Variants in CPA6 observed in about 807,000 individuals in gnomAD.
CPA6 encodes the protein carboxypeptidase A6.
A neutral mutation model predicts 63.3 loss-of-function variants in CPA6; 58 were observed. The ratio of observed to expected loss-of-function variants is 0.92; its 90% CI spans 0.74 to 1.14. The LOEUF is 1.14. Ranked by LOEUF, CPA6 falls within the 50% of genes most tolerant of loss-of-function variation. The pLI is 0.00. For missense variants in CPA6, 565 were observed against 526.6 expected (o/e 1.07, Z -0.71); for synonymous variants, 185 against 179.0 (o/e 1.03, Z -0.27).
At chr8:67,428,257 T>C in intron 9 of CPA6, 126 bp from the exon 10 acceptor site, 1 of 564,428 alleles carries the variant, frequency 1.8e-6, no homozygotes. Context: ...TATTCATTAA[T>C]AATATTATAT....
At chr8:67,729,201 A>G (rs545215675) in intron 1 of CPA6, among the ~76,000 whole-genome samples, 7 of 152,246 alleles carry the variant, frequency 4.6e-5, no homozygotes, top group African/African-American at 1.4e-4. Flanking sequence ...AAGATCCCCT[A>G]GTGTTTTATT....
At chr8:67,592,554 A>T (rs1324303484) in intron 2 of CPA6, among the ~76,000 whole-genome samples, 1 of 151,662 alleles carries the variant, frequency 6.6e-6, no homozygotes, top group Non-Finnish European at 1.5e-5. Flanking sequence ...GATTATTGCC[A>T]CAATTTCAGA....
At chr8:67,696,325 T>A (rs1483677242) in intron 1 of CPA6, among the ~76,000 whole-genome samples, 1 of 152,126 alleles carries the variant, frequency 6.6e-6, no homozygotes, top group Non-Finnish European at 1.5e-5. Flanking sequence ...ATTAGGGAAA[T>A]GCAAATTACA....
intron 1 of CPA6, among the ~76,000 whole-genome samples, chr8:67,744,642 G>A (rs1028170981): frequency 1.3e-5 from 2 of 152,152 alleles, no homozygotes; most frequent in Non-Finnish European, 2.9e-5. Context: ...CATCAGCCAG[G>A]AGAGTCAGAA....
intron 1 of CPA6, among the ~76,000 whole-genome samples, chr8:67,713,141 T>TATATATA (rs1563404209): frequency 2.9e-5 from 2 of 68,900 alleles, no homozygotes; most frequent in Admixed American, 1.8e-4. Context: ...ATATATATAT[T>TATATATA]AACAGGGTTC....
rs759310000 is a variant in CPA6, at chr8:67,428,124, G to T, written c.1049C>A (p.Ala350Glu). Reference sequence around the variant, plus strand: ...AAGTGCATTCACAGCTTTATAAGCTGCAGATTCCTATGAGGGAAAATGGGG... The same window carrying T: ...AAGTGCATTCACAGCTTTATAAGCTTCAGATTCCTATGAGGGAAAATGGGG... ...TIPNFRCVESAAYKAVNALQS... is the reference protein window; with the variant it reads ...TIPNFRCVESEAYKAVNALQS... Residue 350 changes from alanine (A) to glutamate (E), a missense_variant, in exon 10 of 11, where the codon GCA becomes GAA. Transcript: ENST00000297770. 6.2e-7 allele frequency: 1 copy of T among 1,607,788 alleles called. No homozygotes were observed. The highest frequency in any genetic ancestry group is 8.5e-7 in the Non-Finnish European group (1 of 1,174,562).
intron 2 of CPA6, among the ~76,000 whole-genome samples, chr8:67,554,176 C>G (rs979955708): frequency 6.6e-6 from 1 of 152,044 alleles, no homozygotes; most frequent in Admixed American, 6.6e-5. Flanking sequence ...ATACCTGAGA[C>G]TGGGTAATTT....
At chr8:67,475,815 TTCC>T (rs1563967528) in intron 8 of CPA6, among the ~76,000 whole-genome samples, 22 of 65,620 alleles carry the variant, frequency 3.4e-4, no homozygotes, top group African/African-American at 1.8e-3. Context: ...CTTTCTTTCT[TTCC>T]TTTCTTTTCT....
At chr8:67,694,620 T>C (rs568983641) in intron 1 of CPA6, among the ~76,000 whole-genome samples, 1 of 152,358 alleles carries the variant, frequency 6.6e-6, no homozygotes, top group African/African-American at 2.4e-5. Context: ...CCTGTTACAC[T>C]GCCTTCTCTC....
intron 8 of CPA6, among the ~76,000 whole-genome samples, chr8:67,468,138 A>G (rs1407124229): frequency 3.9e-5 from 6 of 152,168 alleles, no homozygotes; most frequent in African/African-American, 7.2e-5. Context: ...TTCCACTAAA[A>G]TACCCCTAAC....
chr8:67,694,117 C>A lies in CPA6; in HGVS notation c.116+51897G>T, dbSNP rs577866227. The stretch of plus-strand genomic sequence containing the variant: ...ATTTACTGAGTGATCTAAAAAGCTG[C>A]TAGTTTTGAGTGGGGCCCAGAACAA... On this transcript the variant is annotated intron_variant, in intron 1 of 10. Coordinates refer to ENST00000297770, the MANE Select transcript of CPA6 (RefSeq NM_020361.5). 8.5e-5 allele frequency among the ~76,000 whole-genome samples: 13 copies of A among 152,314 alleles called. 1 individual carries two copies. In the South Asian group the frequency reaches 2.7e-3, roughly 32 times the overall value.
In CPA6 at chr8:67,518,799, C is replaced by T. The variant is rs564415391; in HGVS notation, c.193-752G>A. 5.3e-5 allele frequency among the ~76,000 whole-genome samples: 8 copies of T among 152,138 alleles called. No homozygotes were observed. In the East Asian group the frequency reaches 5.8e-4, roughly 11 times the overall value. Reference sequence around the variant, plus strand: ...GTGCTGGGATTACATACGTGAGCCACGGTGCCCCACCTAGATGGACCATTC... The same window carrying T: ...GTGCTGGGATTACATACGTGAGCCATGGTGCCCCACCTAGATGGACCATTC... On this transcript the variant is annotated intron_variant, in intron 2 of 10. Transcript: ENST00000297770.
chr8:67,458,744 A>AACAG (rs1439187985), intron 8 of CPA6, among the ~76,000 whole-genome samples: 1 of 152,364 alleles, frequency 6.6e-6, no homozygotes, highest in East Asian at 1.9e-4. Context: ...TAAAGACCTT[A>AACAG]ACAGACAGAT....
chr8:67,660,681 C>A (rs992995933), intron 1 of CPA6, among the ~76,000 whole-genome samples: 1 of 151,850 alleles, frequency 6.6e-6, no homozygotes, highest in Non-Finnish European at 1.5e-5. Context: ...GTGCTTTCCA[C>A]CTTCCCCTAA....
chr8:67,438,553 C>T (rs1810215246), intron 8 of CPA6, among the ~76,000 whole-genome samples: 4 of 152,222 alleles, frequency 2.6e-5, no homozygotes, highest in Admixed American at 1.3e-4. Flanking sequence ...CATACACTGA[C>T]ATACTTTGCA....
chr8:67,586,959 T>C (rs1406580510), intron 2 of CPA6, among the ~76,000 whole-genome samples: 1 of 152,214 alleles, frequency 6.6e-6, no homozygotes, highest in Non-Finnish European at 1.5e-5. Flanking sequence ...ATTTTTAGCA[T>C]TGAAGTAAAT....
At chr8:67,435,248 GC>G (rs1810123450) in intron 8 of CPA6, among the ~76,000 whole-genome samples, 1 of 152,164 alleles carries the variant, frequency 6.6e-6, no homozygotes, top group African/African-American at 2.4e-5. Flanking sequence ...GGAGGGAGAG[GC>G]CCTGGGCCTG....
In CPA6 at chr8:67,575,283, G is replaced by T. The variant is rs1333610016; in HGVS notation, c.192+48893C>A. ...GAAAAGGGAATTCTTGTACACTGTT[G>T]GTGGGAATGTAAATTAGTACAGCCA... On this transcript the variant is annotated intron_variant, in intron 2 of 10. Transcript: ENST00000297770. 2.0e-5 allele frequency among the ~76,000 whole-genome samples: 3 copies of T among 152,194 alleles called. 1 individual carries two copies. The highest frequency in any genetic ancestry group is 4.1e-4 in the South Asian group (2 of 4,838).
rs140268561 is a variant in CPA6, at chr8:67,556,151, G to C, written c.193-38104C>G. Among the ~76,000 whole-genome samples, 37 of 152,328 alleles carry C rather than the reference G, an allele frequency of 2.4e-4. No homozygotes were observed. In the East Asian group the frequency reaches 3.3e-3, roughly 14 times the overall value. ...TAGGCATAACTTGGTTTCATAACATGACCTGGATTATATTAGTTAAGGTTC... is the reference window on the plus strand; with the variant it reads ...TAGGCATAACTTGGTTTCATAACATCACCTGGATTATATTAGTTAAGGTTC... On this transcript the variant is annotated intron_variant, in intron 2 of 10. Coordinates refer to ENST00000297770, the MANE Select transcript of CPA6 (RefSeq NM_020361.5).
Sources: gnomAD v4.1 joint callset for allele counts (sites outside exome capture counted in the v4.1 genomes callset) on GRCh38, gnomAD v4.1.1 for gene constraint, MANE v1.5 for transcripts, NCBI Gene and HGNC (gene_info 2026-07-23, HGNC 2026-07-21) for gene names.